ZCCHC9: variants seen among roughly 807,000 people sequenced by gnomAD.
ZCCHC9 encodes the protein zinc finger CCHC-type containing 9.
In ZCCHC9, 18 loss-of-function variants were observed where a neutral mutation model predicts 30.8. That is an observed-to-expected ratio of 0.58 (90% CI 0.40 to 0.87). The LOEUF is 0.87. Among genes scored for constraint, ZCCHC9 ranks in the 40% least tolerant of loss-of-function variants. The pLI is 0.00. For missense variants in ZCCHC9, 279 were observed against 331.2 expected (o/e 0.84, Z 1.22); for synonymous variants, 94 against 106.7 (o/e 0.88, Z 0.73).
chr5:81,302,871 T>C (rs1580488640), intron 1 of ZCCHC9: 1 of 152,206 alleles, frequency 6.6e-6, no homozygotes, highest in Non-Finnish European at 1.5e-5. Context: ...GGTATTACTG[T>C]ACACTACTGT....
chr5:81,309,028 CTA>C lies in ZCCHC9; in HGVS notation c.620_621del (p.Tyr207CysfsTer2). 1 of 1,610,726 alleles carries C rather than the reference CTA, an allele frequency of 6.2e-7. No homozygotes were observed. Among genetic ancestry groups the C allele is most frequent in the Non-Finnish European group, 8.5e-7 (1 of 1,178,566 alleles). On this transcript the variant is annotated frameshift_variant, in exon 4 of 6. Coordinates refer to ENST00000407610, the MANE Select transcript of ZCCHC9 (RefSeq NM_001131035.2). LOFTEE classifies it high-confidence loss of function. ...RSCPDNPKGLYADGGGCKLCG... is the reference protein window; with the variant it reads ...RSCPDNPKGLXADGGGCKLCG... Reference sequence around the variant, plus strand: ...CTTGTCCTGATAATCCCAAAGGACTCTATGCTGATGGTAAGTACTGTTACCCT... The same window carrying C: ...CTTGTCCTGATAATCCCAAAGGACTCTGCTGATGGTAAGTACTGTTACCCT...
At chr5:81,311,106 A>C in intron 4 of ZCCHC9, 105 bp from the exon 5 acceptor site, 1 of 1,136,788 alleles carries the variant, frequency 8.8e-7, no homozygotes, top group Non-Finnish European at 1.3e-6. Context: ...CTACCTTTAC[A>C]ACTGACAGGG....
chr5:81,312,447 A>G (rs955948), intron 5 of ZCCHC9, 97 bp from the exon 6 acceptor site: 18 of 880,446 alleles, frequency 2.0e-5, no homozygotes, highest in African/African-American at 1.5e-4. Flanking sequence ...GTGATTATTC[A>G]TATCAAAATG....
rs1162332182 is a variant in ZCCHC9 at position 81,305,054 on chromosome 5, A to G, written c.297A>G (p.Val99=). Residue 99 remains valine, a synonymous_variant, in exon 2 of 6, where the codon GTA becomes GTG. Transcript: ENST00000407610. The part of the protein sequence containing the change: ...GQIIATDSEE[V]REEIAVALKK... ...TTATAGCAACAGACAGTGAGGAAGT[A>G]AGGGAAGAAATTGCAGTTGCTTTAA... The G allele has an allele frequency of 3.1e-6, 5 of 1,613,854 alleles. No individual in the cohort carries two copies. Among genetic ancestry groups the G allele is most frequent in the Non-Finnish European group, 4.2e-6 (5 of 1,179,978 alleles).
At chr5:81,308,839 T>G (rs1261129484) in intron 3 of ZCCHC9, 107 bp from the exon 4 acceptor site, 1 of 1,391,408 alleles carries the variant, frequency 7.2e-7, no homozygotes, top group African/African-American at 1.5e-5. Context: ...GAGATTAAAT[T>G]TTAAGTTATG....
intron 4 of ZCCHC9, among the ~76,000 whole-genome samples, chr5:81,310,782 G>A (rs1416516435): frequency 2.0e-5 from 3 of 152,192 alleles, no homozygotes; most frequent in African/African-American, 7.2e-5. Flanking sequence ...TAGAACAGTA[G>A]TTTCTAATCT....
intron 2 of ZCCHC9, 91 bp from the exon 3 acceptor site, chr5:81,308,470 A>T (rs561706616): frequency 3.1e-5 from 43 of 1,384,622 alleles, no homozygotes; most frequent in Non-Finnish European, 4.0e-5. Flanking sequence ...TAATAAGATG[A>T]GAAATGTTTT....
intron 2 of ZCCHC9, among the ~76,000 whole-genome samples, chr5:81,307,994 CAAAAAAAAAAAAAAA>C (rs11322486): frequency 6.6e-5 from 2 of 30,306 alleles, no homozygotes; most frequent in Admixed American, 5.5e-4. Context: ...GACTCCGTCT[CAAAAAAAAAAAAAAA>C]AAAAAAAAAA....
At chr5:81,307,994 CAAAA>C (rs11322486) in intron 2 of ZCCHC9, among the ~76,000 whole-genome samples, 1 of 30,298 alleles carries the variant, frequency 3.3e-5, no homozygotes, top group African/African-American at 1.4e-4. Flanking sequence ...GACTCCGTCT[CAAAA>C]AAAAAAAAAA....
Position 81,312,788 on chromosome 5 carries a change from T to G in ZCCHC9, c.*126T>G, listed in dbSNP as rs1483747813. 2 of 651,338 alleles carry G rather than the reference T, an allele frequency of 3.1e-6. No individual in the cohort carries two copies. Among genetic ancestry groups the G allele is most frequent in the Non-Finnish European group, 5.3e-6 (2 of 374,324 alleles). The allele number at this position is 651,338 out of a possible 1,614,324, so 40.3% of individuals were successfully genotyped here. On this transcript the variant is annotated 3_prime_UTR_variant, in exon 6 of 6. Transcript: ENST00000407610. ...TGTAGATATCAGTATGATCTGGGTGTGGCCAAAAACAATTTTCTTTATTCT... is the reference window on the plus strand; with the variant it reads ...TGTAGATATCAGTATGATCTGGGTGGGGCCAAAAACAATTTTCTTTATTCT...
chr5:81,308,150 T>A (rs974660641), intron 2 of ZCCHC9, among the ~76,000 whole-genome samples: 1 of 152,224 alleles, frequency 6.6e-6, no homozygotes, highest in South Asian at 2.1e-4. Flanking sequence ...TTTAAAATTT[T>A]GAGTACATAA....
At chr5:81,308,055 A>G (rs1395445731) in intron 2 of ZCCHC9, among the ~76,000 whole-genome samples, 2 of 147,608 alleles carry the variant, frequency 1.4e-5, no homozygotes, top group African/African-American at 5.0e-5. Flanking sequence ...CTATCTATCT[A>G]TCTTATGGTT....
chr5:81,308,022 A>AATCTATCTATCTATCTATCT (rs1554049990), intron 2 of ZCCHC9, among the ~76,000 whole-genome samples: 1,661 of 68,252 alleles, frequency 0.024, 33 homozygotes, highest in East Asian at 0.079. Context: ...AAAAAAAAAA[A>AATCTATCTATCTATCTATCT]ATCTATCTAT....
chr5:81,308,107 C>A (rs1758143053), intron 2 of ZCCHC9, among the ~76,000 whole-genome samples: 1 of 147,986 alleles, frequency 6.8e-6, no homozygotes, highest in Non-Finnish European at 1.5e-5. Context: ...CAAATTCATT[C>A]AATTATGTGA....
At chr5:81,307,763 G>T (rs969370650) in intron 2 of ZCCHC9, among the ~76,000 whole-genome samples, 1 of 151,840 alleles carries the variant, frequency 6.6e-6, no homozygotes, top group Admixed American at 6.6e-5. Context: ...TTGGGAGGCC[G>T]AGGCGGGTGG....
At chr5:81,306,081 T>C (rs1224953801) in intron 2 of ZCCHC9, among the ~76,000 whole-genome samples, 1 of 152,214 alleles carries the variant, frequency 6.6e-6, no homozygotes, top group East Asian at 1.9e-4. Flanking sequence ...GCCCTAGATT[T>C]TAAAGTATGT....
intron 3 of ZCCHC9, 32 bp downstream of exon 3, chr5:81,308,743 C>T (rs1187536150): frequency 1.8e-5 from 28 of 1,588,800 alleles, no homozygotes; most frequent in East Asian, 4.5e-5. Context: ...TTGTTTTGTT[C>T]ATGGGGAAAG....
At position 81,308,653 on chromosome 5, in the gene ZCCHC9, G is replaced by A. The variant is rs1758167669; in HGVS notation, c.477G>A (p.Arg159=). The A allele has an allele frequency of 3.1e-6, 5 of 1,613,938 alleles. No individual in the cohort carries two copies. The highest frequency in any genetic ancestry group is 1.3e-5 in the African/African-American group (1 of 75,036). Reference sequence around the variant, plus strand: ...ACATGGGCACTGGGATATGTTACAGGTGTGGGTCCACAGAGCACGAAATAA... The same window carrying A: ...ACATGGGCACTGGGATATGTTACAGATGTGGGTCCACAGAGCACGAAATAA... The part of the protein sequence containing the change: ...NQDMGTGICY[R]CGSTEHEITK... Residue 159 remains arginine, a synonymous_variant, in exon 3 of 6, where the codon AGG becomes AGA. Transcript: ENST00000407610.
chr5:81,311,417 A>T (rs1758282568), intron 5 of ZCCHC9, 138 bp downstream of exon 5: 1 of 911,694 alleles, frequency 1.1e-6, no homozygotes, highest in African/African-American at 1.7e-5. Flanking sequence ...CAATGACTTA[A>T]TCTCTGTCAG....
Sources: gnomAD v4.1 joint callset for allele counts (sites outside exome capture counted in the v4.1 genomes callset) on GRCh38, gnomAD v4.1.1 for gene constraint, MANE v1.5 for transcripts, NCBI Gene and HGNC (gene_info 2026-07-23, HGNC 2026-07-21) for gene names.